PI4KA: variants seen among roughly 807,000 people sequenced by gnomAD.
The protein encoded by PI4KA is PI4-kinase alpha.
Under a neutral mutation model 271.4 loss-of-function variants are expected in PI4KA, and 122 were observed. That is an observed-to-expected ratio of 0.45 (90% CI 0.39 to 0.52). The LOEUF (loss-of-function observed/expected upper bound fraction) is 0.52. Ranked by LOEUF, PI4KA falls within the 20% of genes least tolerant of loss-of-function variation. The pLI, the probability that PI4KA is intolerant of heterozygous loss-of-function variation, is 0.00. For synonymous variants in PI4KA, 1,041 were observed against 1,078.8 expected (o/e 0.96, Z 0.69); for missense variants, 1,969 against 2,769.1 (o/e 0.71, Z 6.48).
At chr22:20,711,063 G>A (rs1925210741) in intron 51 of PI4KA, 1 of 592,554 alleles carries the variant, frequency 1.7e-6, no homozygotes, top group Non-Finnish European at 3.0e-6. Context: ...GGAGGAAGGA[G>A]CCAAGCTGGG....
chr22:20,844,049 C>CA (rs1423292490), intron 1 of PI4KA, among the ~76,000 whole-genome samples: 1 of 152,208 alleles, frequency 6.6e-6, no homozygotes, highest in African/African-American at 2.4e-5. Context: ...TCAAAACTCT[C>CA]AAACATTTTC....
At chr22:20,783,801 T>C (rs145759497) in intron 19 of PI4KA, among the ~76,000 whole-genome samples, 1 of 152,198 alleles carries the variant, frequency 6.6e-6, no homozygotes, top group East Asian at 1.9e-4. Context: ...ACCTCTCTTG[T>C]TAGAAATGCA....
rs200428175 is a variant in PI4KA, at chr22:20,718,800, A to C, written c.5139T>G (p.Asp1713Glu). 6 of 1,613,706 alleles carry C rather than the reference A, an allele frequency of 3.7e-6. No individual in the cohort carries two copies. The highest frequency in any genetic ancestry group is 4.5e-5 in the East Asian group (2 of 44,898). ...AGCCTGTGATCTCCTCTACCAACTGATCCAGGAGGTCGCCGATGTCAGCTG... is the reference window on the plus strand; with the variant it reads ...AGCCTGTGATCTCCTCTACCAACTGCTCCAGGAGGTCGCCGATGTCAGCTG... ...QKDPDIGDLL[D>E]QLVEEITGSL... The change falls in exon 44 of 55, where the codon GAT becomes GAG. Residue 1713 changes from aspartate (D) to glutamate (E), a missense_variant. By Grantham distance (45) the Asp-to-Glu change is conservative (BLOSUM62 2). Coordinates refer to ENST00000255882, the MANE Select transcript of PI4KA (RefSeq NM_058004.4).
At chr22:20,847,660 C>A (rs1926431914) in intron 1 of PI4KA, among the ~76,000 whole-genome samples, 2 of 151,786 alleles carry the variant, frequency 1.3e-5, no homozygotes, top group Non-Finnish European at 2.9e-5. Flanking sequence ...GGTGGGAGGA[C>A]TGCTTAAGCC....
intron 27 of PI4KA, 55 bp from the exon 28 acceptor site, chr22:20,750,049 C>T (rs1930504323): frequency 8.8e-7 from 1 of 1,133,874 alleles, no homozygotes; most frequent in Non-Finnish European, 1.3e-6. Flanking sequence ...ATCTGAGCTG[C>T]CGTAGTGACT....
intron 18 of PI4KA, 49 bp from the exon 19 acceptor site, chr22:20,793,292 T>C (rs1266846459): frequency 9.2e-7 from 1 of 1,085,358 alleles, no homozygotes; most frequent in South Asian, 1.3e-5. Flanking sequence ...GTTTCTTTTA[T>C]TAAAAAAAAA....
intron 19 of PI4KA, chr22:20,784,109 G>A (rs761404668): frequency 3.7e-6 from 6 of 1,614,158 alleles, no homozygotes; most frequent in South Asian, 1.1e-5. Flanking sequence ...GCTGGACTGC[G>A]ACATCCTCCA....
In PI4KA at chr22:20,734,525, T is replaced by C; in HGVS notation, c.3770A>G (p.His1257Arg). The change falls in exon 33 of 55, where the codon CAC becomes CGC. Residue 1257 changes from histidine to arginine, a missense_variant. Physicochemically the swap from His to Arg is conservative, Grantham distance 29 (BLOSUM62 0). This residue lies in a region of PI4KA where 203 missense variants were observed against 256.8 expected (regional missense o/e 0.79). Coordinates refer to ENST00000255882, the MANE Select transcript of PI4KA (RefSeq NM_058004.4). ...PFMREMAGAW[H>R]MTVEQKFGLF... ...GCCAAATTTCTGCTCCACCGTCATGTGCCAGGCCCCTGCCATCTCCCGCAT... is the reference window on the plus strand; with the variant it reads ...GCCAAATTTCTGCTCCACCGTCATGCGCCAGGCCCCTGCCATCTCCCGCAT... 6.2e-7 allele frequency: 1 copy of C among 1,614,034 alleles called. No homozygotes were observed. Among genetic ancestry groups the C allele is most frequent in the Middle Eastern group, 1.7e-4 (1 of 6,056 alleles).
chr22:20,804,546 G>A (rs1935523216), intron 11 of PI4KA, 146 bp from the exon 12 acceptor site: 5 of 649,792 alleles, frequency 7.7e-6, no homozygotes, highest in Non-Finnish European at 1.1e-5. Flanking sequence ...GTCACACAGT[G>A]TGTGACACTC....
chr22:20,707,981 C>CA lies in PI4KA; in HGVS notation c.*65dup. On this transcript the variant is annotated 3_prime_UTR_variant, in exon 55 of 55. Transcript: ENST00000255882. ...ATGTGGCGGCAGGGCAGGGAGGTCGCAGGGCTCCATGATTGTGGGACAGCT... is the reference window on the plus strand; with the variant it reads ...ATGTGGCGGCAGGGCAGGGAGGTCGCAAGGGCTCCATGATTGTGGGACAGCT... 1 of 1,378,060 alleles carries CA rather than the reference C, an allele frequency of 7.3e-7. No individual in the cohort carries two copies. The highest frequency in any genetic ancestry group is 1.0e-6 in the Non-Finnish European group (1 of 965,490). The allele number at this position is 1,378,060 out of a possible 1,614,324, so 85.4% of individuals were successfully genotyped here.
At chr22:20,763,016 TTGG>T (rs1569001913) in intron 22 of PI4KA, among the ~76,000 whole-genome samples, 10 of 14,172 alleles carry the variant, frequency 7.1e-4, no homozygotes, top group East Asian at 1.9e-3. Context: ...GCTTTTTTTT[TTGG>T]GGGGGGGGGG....
intron 3 of PI4KA, among the ~76,000 whole-genome samples, chr22:20,832,039 G>A (rs994846345): frequency 6.6e-6 from 1 of 150,600 alleles, no homozygotes; most frequent in Non-Finnish European, 1.5e-5. Flanking sequence ...TTTTGTCTGA[G>A]TTATTTTGGA....
chr22:20,824,768 AC>A (rs1569076092), intron 3 of PI4KA, among the ~76,000 whole-genome samples: 8 of 147,074 alleles, frequency 5.4e-5, no homozygotes, highest in African/African-American at 1.7e-4. Flanking sequence ...ACACACACAC[AC>A]ACACACACAC....
intron 22 of PI4KA, among the ~76,000 whole-genome samples, chr22:20,764,339 C>T (rs1388789175): frequency 6.6e-6 from 1 of 152,228 alleles, no homozygotes; most frequent in Non-Finnish European, 1.5e-5. Flanking sequence ...CTAAGTGTCA[C>T]TACCACTGTT....
At chr22:20,746,295 C>G (rs1341842208) in intron 29 of PI4KA, among the ~76,000 whole-genome samples, 1 of 151,958 alleles carries the variant, frequency 6.6e-6, no homozygotes, top group Non-Finnish European at 1.5e-5. Context: ...ATCCACTGAC[C>G]TCGTGATCCG....
At position 20,751,279 on chromosome 22, in the gene PI4KA, C is replaced by A. The variant is rs781658110; in HGVS notation, c.3153+14G>T. On this transcript the variant is annotated intron_variant, in intron 27 of 54. Transcript: ENST00000255882. Reference sequence around the variant, plus strand: ...AAAGATGGCCCTTAGTGCAGGGGATCGTGTCGGGCCTACCTCACGGGCTTC... The same window carrying A: ...AAAGATGGCCCTTAGTGCAGGGGATAGTGTCGGGCCTACCTCACGGGCTTC... 1 of 1,606,530 alleles carries A rather than the reference C, an allele frequency of 6.2e-7. No homozygotes were observed.
chr22:20,841,165 C>T (rs1049191731), intron 1 of PI4KA, among the ~76,000 whole-genome samples: 1 of 152,092 alleles, frequency 6.6e-6, no homozygotes, highest in African/African-American at 2.4e-5. Context: ...CAGGCATGAG[C>T]CATCGCACCC....
chr22:20,849,711 G>A (rs562417533), intron 1 of PI4KA, among the ~76,000 whole-genome samples: 6 of 152,116 alleles, frequency 3.9e-5, no homozygotes, highest in South Asian at 2.1e-4. Context: ...AAAATTAGCC[G>A]GGCGCAGTGG....
intron 23 of PI4KA, among the ~76,000 whole-genome samples, chr22:20,753,634 T>C (rs1930957324): frequency 6.6e-6 from 1 of 152,190 alleles, no homozygotes; most frequent in Non-Finnish European, 1.5e-5. Flanking sequence ...ATGATAAGAC[T>C]AGGGTTACAG....
Sources: gnomAD v4.1 joint callset for allele counts (sites outside exome capture counted in the v4.1 genomes callset) on GRCh38, gnomAD v4.1.1 for gene constraint, gnomAD v4.1.1 regional missense constraint, MANE v1.5 for transcripts, NCBI Gene and HGNC (gene_info 2026-07-23, HGNC 2026-07-21) for gene names.